The following TMEM177 variants were observed in gnomAD, a reference collection of about 807,000 sequenced individuals.
TMEM177 encodes the protein transmembrane protein 177.
A neutral mutation model predicts 14.2 loss-of-function variants in TMEM177; 4 were observed. The ratio of observed to expected loss-of-function variants is 0.28; its 90% CI spans 0.14 to 0.64. The LOEUF is 0.64. TMEM177 is among the 30% of genes least tolerant of loss of function. The pLI is 0.82. For synonymous variants in TMEM177, 179 were observed against 174.5 expected, an observed-to-expected ratio of 1.03 and a Z score of -0.20; for missense variants, 344 against 405.2, an observed-to-expected ratio of 0.85 and a Z score of 1.30.
At chr2:119,694,045 C>CAA in the TMEM177 span, among the ~76,000 whole-genome samples, 2 of 86,326 alleles carry the variant, frequency 2.3e-5, no homozygotes, top group African/African-American at 3.8e-5. Context: ...ACATACCACA[C>CAA]ACATCACGCA....
the TMEM177 span, among the ~76,000 whole-genome samples, chr2:119,692,993 AAAAAG>A: frequency 3.4e-5 from 5 of 148,270 alleles, no homozygotes; most frequent in African/African-American, 7.4e-5. Flanking sequence ...AAAAAAAAAA[AAAAAG>A]GCAGGGATTT....
chr2:119,687,655 AT>A (rs992601388), downstream of TMEM177, among the ~76,000 whole-genome samples: 12 of 152,250 alleles, frequency 7.9e-5, no homozygotes, highest in African/African-American at 2.9e-4. Flanking sequence ...TGGGATTACA[AT>A]TCAAGATGAG....
chr2:119,687,255 T>C (rs140442928), downstream of TMEM177, among the ~76,000 whole-genome samples: 2,138 of 152,282 alleles, frequency 0.014, 22 homozygotes, highest in Non-Finnish European at 0.021. Context: ...CTGGGGCCCT[T>C]GGGCCACAAG....
the TMEM177 span, among the ~76,000 whole-genome samples, chr2:119,694,116 A>C: frequency 5.4e-5 from 5 of 93,216 alleles, no homozygotes; most frequent in African/African-American, 2.0e-4. Context: ...CACATACCAC[A>C]TGCACCACAT....
At chr2:119,693,762 CAT>C in the TMEM177 span, among the ~76,000 whole-genome samples, 1 of 151,386 alleles carries the variant, frequency 6.6e-6, no homozygotes, top group South Asian at 2.1e-4. Context: ...GACCCACCCA[CAT>C]GACCGCTGCC....
chr2:119,722,426 GA>G, the TMEM177 span, among the ~76,000 whole-genome samples: 3 of 151,662 alleles, frequency 2.0e-5, no homozygotes, highest in Non-Finnish European at 4.4e-5. Context: ...AAAGGGAAGG[GA>G]AAATAAATAA....
chr2:119,721,705 T>C, the TMEM177 span, among the ~76,000 whole-genome samples: 2 of 152,166 alleles, frequency 1.3e-5, no homozygotes, highest in East Asian at 1.9e-4. Flanking sequence ...AGTACACCAG[T>C]TGGTGTCAGA....
the TMEM177 span, among the ~76,000 whole-genome samples, chr2:119,693,768 C>G: frequency 6.6e-6 from 1 of 152,080 alleles, no homozygotes; most frequent in African/African-American, 2.4e-5. Flanking sequence ...CCCACATGAC[C>G]GCTGCCCACC....
chr2:119,704,135 T>G, the TMEM177 span, among the ~76,000 whole-genome samples: 5 of 152,212 alleles, frequency 3.3e-5, no homozygotes, highest in Non-Finnish European at 1.5e-5. Flanking sequence ...GACACCAGAT[T>G]CAAATTTAGA....
chr2:119,686,941 C>T (rs1414033975), downstream of TMEM177, among the ~76,000 whole-genome samples: 1 of 152,084 alleles, frequency 6.6e-6, no homozygotes, highest in Non-Finnish European at 1.5e-5. Flanking sequence ...AAGCATATGC[C>T]CTTGGTGACA....
chr2:119,682,223 T>C (rs956771553), downstream of TMEM177: 2 of 152,080 alleles, frequency 1.3e-5, no homozygotes, highest in African/African-American at 5.0e-5. Context: ...TGGGCTCAAG[T>C]GATCCACCCT....
chr2:119,715,748 C>T, the TMEM177 span, among the ~76,000 whole-genome samples: 1 of 152,250 alleles, frequency 6.6e-6, no homozygotes, highest in African/African-American at 2.4e-5. Context: ...AATCAGCTTC[C>T]TCTGCTTTCT....
At chr2:119,704,828 G>A in the TMEM177 span, among the ~76,000 whole-genome samples, 223 of 152,304 alleles carry the variant, frequency 1.5e-3, no homozygotes, top group African/African-American at 5.3e-3. Flanking sequence ...CTGTAAAATG[G>A]TTATATTAAT....
At chr2:119,685,663 G>A (rs780733153), downstream of TMEM177, 5 of 717,564 alleles carry the variant, frequency 7.0e-6, no homozygotes, top group African/African-American at 7.0e-5. Flanking sequence ...TACAGGAAAG[G>A]GAACATCACA....
the TMEM177 span, among the ~76,000 whole-genome samples, chr2:119,709,609 C>T: frequency 0.047 from 7,104 of 152,230 alleles, 557 homozygotes; most frequent in African/African-American, 0.16. Context: ...ATCACGAGGT[C>T]AGGAGATTGA....
At chr2:119,691,066 T>A (rs1188346206), downstream of TMEM177, among the ~76,000 whole-genome samples, 1 of 152,152 alleles carries the variant, frequency 6.6e-6, no homozygotes, top group Non-Finnish European at 1.5e-5. Context: ...CTTTGTTGAT[T>A]TTCTGAGGCA....
At chr2:119,679,683 G>A (rs892941669) in intron 1 of TMEM177, 2 of 152,196 alleles carry the variant, frequency 1.3e-5, no homozygotes, top group Non-Finnish European at 2.9e-5. Flanking sequence ...GAAGTGATAG[G>A]ATGCCCGGGG....
the TMEM177 span, among the ~76,000 whole-genome samples, chr2:119,720,265 A>G: frequency 6.6e-6 from 1 of 151,888 alleles, no homozygotes; most frequent in African/African-American, 2.4e-5. Context: ...AAATTTTGAT[A>G]TTTTATTCCC....
chr2:119,685,317 A>AT (rs1688994745), downstream of TMEM177, among the ~76,000 whole-genome samples: 1 of 149,184 alleles, frequency 6.7e-6, no homozygotes, highest in South Asian at 2.1e-4. Context: ...CATGGCGCTG[A>AT]TGCTGGCTCT....
Sources: allele counts gnomAD v4.1 joint callset (sites outside exome capture counted in the v4.1 genomes callset), GRCh38; gene constraint gnomAD v4.1.1; transcripts MANE v1.5; gene names NCBI Gene and HGNC (gene_info 2026-07-23, HGNC 2026-07-21).